Variants in RDH13 observed in about 807,000 individuals in gnomAD.
RDH13 encodes the protein retinol dehydrogenase 13.
Under a neutral mutation model 28.3 loss-of-function variants are expected in RDH13, and 35 were observed. The observed-to-expected ratio is 1.24, with a 90% CI of 0.95 to 1.64. RDH13 has a LOEUF of 1.64. RDH13 is among the 40% of genes most tolerant of loss of function. RDH13 has a pLI of 0.00. For missense variants in RDH13, 514 were observed against 446.3 expected (o/e 1.15, Z -1.37); for synonymous variants, 229 against 198.5 (o/e 1.15, Z -1.29).
chr19:55,054,769 G>C (rs948899873), intron 3 of RDH13, among the ~76,000 whole-genome samples: 21 of 150,302 alleles, frequency 1.4e-4, no homozygotes, highest in African/African-American at 4.7e-4. Context: ...GTACACACAA[G>C]GTCTCACTAT....
chr19:55,067,514 G>C (rs1056299198), upstream of RDH13: 23 of 105,240 alleles, frequency 2.2e-4, no homozygotes, highest in African/African-American at 7.7e-4. Context: ...GGCATGCAGG[G>C]TATGGGAGGG....
At chr19:55,043,326 G>A (rs2075092998), downstream of RDH13, 1 of 152,316 alleles carries the variant, frequency 6.6e-6, no homozygotes, top group South Asian at 2.1e-4. Flanking sequence ...ACAGGTCGAG[G>A]TTGTAGTGAG....
intron 3 of RDH13, among the ~76,000 whole-genome samples, chr19:55,052,650 G>A (rs563473695): frequency 1.3e-5 from 2 of 150,024 alleles, no homozygotes; most frequent in South Asian, 2.1e-4. Context: ...ACACCATCAC[G>A]CCTGCCTCAT....
At chr19:55,057,468 T>C (rs1458481724) in intron 2 of RDH13, among the ~76,000 whole-genome samples, 2 of 149,684 alleles carry the variant, frequency 1.3e-5, no homozygotes, top group Non-Finnish European at 3.0e-5. Flanking sequence ...AGTCTCACTC[T>C]GTCACCCAGG....
At chr19:55,059,776 T>C (rs1220324426) in intron 1 of RDH13, among the ~76,000 whole-genome samples, 1 of 152,200 alleles carries the variant, frequency 6.6e-6, no homozygotes, top group Admixed American at 6.5e-5. Flanking sequence ...GACCTGTACT[T>C]TGAACAATTG....
Position 55,062,996 on chromosome 19 carries a change from T to C in RDH13, c.37A>G (p.Thr13Ala). ...RYLLPLSALG[T>A]VAGAAVLLKD... ...AGCAGCACGGCGGCGCCTGCTACCG[T>C]GCCCAGCGCCGACAGCGGCAGCAGG... The change falls in exon 1 of 7, where the codon ACG becomes GCG. Residue 13 changes from threonine (T) to alanine (A), a missense_variant. Physicochemically the swap from Thr to Ala is moderately conservative, Grantham distance 58. Coordinates refer to ENST00000415061, the MANE Select transcript of RDH13 (RefSeq NM_001145971.2). 6.8e-7 allele frequency: 1 copy of C among 1,473,412 alleles called. No individual in the cohort carries two copies. The highest frequency in any genetic ancestry group is 9.0e-7 in the Non-Finnish European group (1 of 1,114,230). 91.3% of individuals were successfully genotyped at this position (1,473,412 alleles called of 1,614,324 possible). A position where few individuals can be genotyped will look rare whatever the true frequency, so the allele number is the denominator to read the frequency against.
upstream of RDH13, among the ~76,000 whole-genome samples, chr19:55,067,996 T>G (rs2147097071): frequency 6.7e-6 from 1 of 150,030 alleles, no homozygotes; most frequent in African/African-American, 2.5e-5. Flanking sequence ...GTCTCATATC[T>G]CTCTCATTGC....
Position 55,045,166 on chromosome 19 carries a change from C to T in RDH13, c.904G>A (p.Asp302Asn), listed in dbSNP as rs368796928. ...CAAAGCCTCCGGGCCACCTCCTCAT[C>T]CTCAGCCTCGGGGGCCGGGGCCTTC... Reference protein sequence around the residue: ...KQKAPAPEAEDEEVARRLWAE... With the variant: ...KQKAPAPEAENEEVARRLWAE... The change falls in exon 7 of 7, where the codon GAT becomes AAT. Residue 302 changes from aspartate to asparagine, a missense_variant. Transcript: ENST00000415061. The T allele has an allele frequency of 1.7e-4, 274 of 1,613,760 alleles. 4 individuals carry two copies. The South Asian group carries it at 2.9e-3, about 17-fold the overall frequency.
rs371642238 is a variant in RDH13, at chr19:55,048,368, T to C, written c.619A>G (p.Ile207Val). 8 of 1,614,048 alleles carry C rather than the reference T, an allele frequency of 5.0e-6. No individual in the cohort carries two copies. The African/African-American group carries it at 6.7e-5, about 13-fold the overall frequency. The change falls in exon 5 of 7, where the codon ATC becomes GTC. Residue 207 changes from isoleucine to valine, a missense_variant. By Grantham distance (29) the Ile-to-Val change is conservative. Coordinates refer to ENST00000415061, the MANE Select transcript of RDH13 (RefSeq NM_001145971.2). The stretch of plus-strand genomic sequence containing the variant: ...CTCAGCTCCTTGGTGAAGAGGACGA[T>C]GGCGAGCTTGCTCTGGCAGTAGGCG... ...KAAYCQSKLA[I>V]VLFTKELSRR...
chr19:55,045,589 C>A (rs1309211299), intron 6 of RDH13, among the ~76,000 whole-genome samples: 1 of 152,206 alleles, frequency 6.6e-6, no homozygotes. Context: ...CCAGTCCTCA[C>A]CCTACCCCAT....
upstream of RDH13, chr19:55,067,762 G>C (rs1423965774): frequency 6.6e-6 from 1 of 152,172 alleles, no homozygotes; most frequent in African/African-American, 2.4e-5. Flanking sequence ...CTAGAAAGAG[G>C]GGCTGTCCCA....
At chr19:55,065,979 A>G (rs1480155656), upstream of RDH13, among the ~76,000 whole-genome samples, 2 of 152,172 alleles carry the variant, frequency 1.3e-5, no homozygotes, top group Non-Finnish European at 2.9e-5. Flanking sequence ...CAGCCTCCCA[A>G]AGTGCTGGGA....
chr19:55,064,726 C>T (rs1235168852), upstream of RDH13, among the ~76,000 whole-genome samples: 1 of 150,444 alleles, frequency 6.6e-6, no homozygotes, highest in Non-Finnish European at 1.5e-5. Context: ...GATTCTCCTG[C>T]CTCAGCCTCC....
At chr19:55,062,099 A>C (rs1256369590) in intron 1 of RDH13, among the ~76,000 whole-genome samples, 2 of 147,426 alleles carry the variant, frequency 1.4e-5, no homozygotes, top group Non-Finnish European at 3.0e-5. Flanking sequence ...CCTGGGCAAC[A>C]ACAGCGAAAC....
intron 1 of RDH13, among the ~76,000 whole-genome samples, chr19:55,059,967 T>C (rs1413734197): frequency 6.6e-6 from 1 of 152,180 alleles, no homozygotes; most frequent in African/African-American, 2.4e-5. Context: ...CAGTCTCTAG[T>C]CTCAATAAAC....
chr19:55,066,201 G>C (rs1247194526), upstream of RDH13, among the ~76,000 whole-genome samples: 1 of 152,192 alleles, frequency 6.6e-6, no homozygotes, highest in African/African-American at 2.4e-5. Context: ...TAGAACATCT[G>C]TTTGGACTCC....
In RDH13 at chr19:55,063,043, G is replaced by A. The variant is rs1360067065; in HGVS notation, c.-11C>T. On this transcript the variant is annotated 5_prime_UTR_variant, in exon 1 of 7. Coordinates refer to ENST00000415061, the MANE Select transcript of RDH13 (RefSeq NM_001145971.2). Reference sequence around the variant, plus strand: ...CAGGTAGCGGCTCATGCCGGGCCGGGGACAGGCGTCAGGCGTCAGGGGTCG... The same window carrying A: ...CAGGTAGCGGCTCATGCCGGGCCGGAGACAGGCGTCAGGCGTCAGGGGTCG... The A allele has an allele frequency of 5.0e-6, 6 of 1,197,338 alleles. No individual in the cohort carries two copies. The highest frequency in any genetic ancestry group is 5.1e-5 in the Admixed American group (1 of 19,614). 74.2% of individuals were successfully genotyped at this position (1,197,338 alleles called of 1,614,324 possible).
rs572055420 is a variant in RDH13 at position 55,048,727 on chromosome 19, C to A, written c.377G>T (p.Gly126Val). 4.3e-6 allele frequency: 7 copies of A among 1,614,034 alleles called. No individual in the cohort carries two copies. In the South Asian group the frequency reaches 7.7e-5, roughly 18 times the overall value. ...ERVDILINNA[G>V]VMRCPHWTTE... ...GGTCCAGTGGGGGCACCGCATCACA[C>A]CCGCGTTGTTGATTAGAATGTCCAC... The change falls in exon 4 of 7, where the codon GGT becomes GTT. Residue 126 changes from glycine to valine, a missense_variant. Gly to Val is a moderately radical substitution (Grantham distance 109). Coordinates refer to ENST00000415061, the MANE Select transcript of RDH13 (RefSeq NM_001145971.2).
rs1170318453 is a variant in RDH13, at chr19:55,044,326, TC to T, written c.*747del. The T allele has an allele frequency of 6.7e-6, 1 of 148,960 alleles. No homozygotes were observed. Among genetic ancestry groups the T allele is most frequent in the Non-Finnish European group, 1.5e-5 (1 of 66,502 alleles). 9.2% of individuals were successfully genotyped at this position (148,960 alleles called of 1,614,324 possible). A position where few individuals can be genotyped will look rare whatever the true frequency, so the allele number is the denominator to read the frequency against. ...AATCTACGACTCGGGTACATTTTCT[TC>T]TTTTTTTTTTCTTTTAAATGAGCAA... On this transcript the variant is annotated 3_prime_UTR_variant, in exon 7 of 7. Coordinates refer to ENST00000415061, the MANE Select transcript of RDH13 (RefSeq NM_001145971.2).
Sources: gnomAD v4.1 joint callset for allele counts (sites outside exome capture counted in the v4.1 genomes callset) on GRCh38, gnomAD v4.1.1 for gene constraint, MANE v1.5 for transcripts, NCBI Gene and HGNC (gene_info 2026-07-23, HGNC 2026-07-21) for gene names.